The following CHCHD10 variants were observed in gnomAD, a reference collection of about 807,000 sequenced individuals.
The protein encoded by CHCHD10 is coiled-coil-helix-coiled-coil-helix domain containing 10.
In CHCHD10, 10 loss-of-function variants were observed where a neutral mutation model predicts 14.8. The observed-to-expected ratio is 0.67, with a 90% CI of 0.42 to 1.14. CHCHD10 has a LOEUF of 1.14. CHCHD10 is among the 50% of genes most tolerant of loss of function. CHCHD10 has a pLI of 0.00. For missense variants in CHCHD10, 203 were observed against 196.9 expected (o/e 1.03, Z -0.19); for synonymous variants, 90 against 85.2 (o/e 1.06, Z -0.31).
chr22:23,767,650 G>A, intron 1 of CHCHD10, 57 bp from the exon 2 acceptor site: 1 of 882,092 alleles, frequency 1.1e-6, no homozygotes, highest in Non-Finnish European at 1.6e-6. Context: ...CTGGAGGGCT[G>A]CAGCTCCTGG....
chr22:23,767,551 C>T lies in CHCHD10; in HGVS notation c.84G>A (p.Pro28=). The change falls in exon 2 of 4, where the codon CCG becomes CCA. Residue 28 remains proline (P), a synonymous_variant. Coordinates refer to ENST00000484558, the MANE Select transcript of CHCHD10 (RefSeq NM_213720.3). ...CGGGGGCTGGGGCGGCTGCCGAGGG[C>T]GGTGGGTGCGCGGGCGGGTGGGCAG... is the stretch of plus-strand genomic sequence containing the variant. ...APSAHPPAHP[P]PSAAAPAPAP... The T allele has an allele frequency of 7.5e-6, 6 of 796,078 alleles. No individual in the cohort carries two copies. The highest frequency in any genetic ancestry group is 1.0e-5 in the Non-Finnish European group (6 of 597,670). 49.3% of individuals were successfully genotyped at this position (796,078 alleles called of 1,614,324 possible).
rs984321947 is a variant in CHCHD10, at chr22:23,767,854, G to T, written c.21C>A (p.Ser7Arg). 1.3e-6 allele frequency: 2 copies of T among 1,518,782 alleles called. No individual in the cohort carries two copies. Among genetic ancestry groups the T allele is most frequent in the East Asian group, 2.7e-5 (1 of 37,258 alleles). The allele number at this position is 1,518,782 out of a possible 1,614,324, so 94.1% of individuals were successfully genotyped here. The change falls in exon 1 of 4, where the codon AGC (serine) becomes AGA (arginine). Residue 7 changes from serine to arginine, a missense_variant. By Grantham distance (110) the Ser-to-Arg change is moderately radical. Coordinates refer to ENST00000484558, the MANE Select transcript of CHCHD10 (RefSeq NM_213720.3). The part of the protein sequence containing the change: MPRGSR[S>R]AASRPASRPA... ...CACACCTGGCTGGCCGGGAGGCCGC[G>T]CTGCGGCTTCCCCGAGGCATGGTGG...
Position 23,767,460 on chromosome 22 carries a change from AGCCCACGGC to A in CHCHD10, c.166_174del (p.Ala56_Gly58del). 1 of 1,598,442 alleles carries A rather than the reference AGCCCACGGC, an allele frequency of 6.3e-7. No homozygotes were observed. The highest frequency in any genetic ancestry group is 8.5e-7 in the Non-Finnish European group (1 of 1,174,208). On this transcript the variant is annotated inframe_deletion, in exon 2 of 4. Coordinates refer to ENST00000484558, the MANE Select transcript of CHCHD10 (RefSeq NM_213720.3). The stretch of plus-strand genomic sequence containing the variant: ...CTGCCCATGACGTGTCCCACAGCCG[AGCCCACGGC>A]TACCCCTGCGGCCGTGGTCGCCATC...
At position 23,767,833 on chromosome 22, in the gene CHCHD10, C is replaced by T. The variant is rs769429033; in HGVS notation, c.41+1G>A. 6.5e-7 allele frequency: 1 copy of T among 1,535,656 alleles called. No homozygotes were observed. The highest frequency in any genetic ancestry group is 8.8e-7 in the Non-Finnish European group (1 of 1,142,450). On this transcript the variant is annotated splice_donor_variant, in intron 1 of 3. Coordinates refer to ENST00000484558, the MANE Select transcript of CHCHD10 (RefSeq NM_213720.3). LOFTEE classifies it high-confidence loss of function. Reference sequence around the variant, plus strand: ...CCACAGGGCCCTTGTCCCCCTCACACCTGGCTGGCCGGGAGGCCGCGCTGC... The same window carrying T: ...CCACAGGGCCCTTGTCCCCCTCACATCTGGCTGGCCGGGAGGCCGCGCTGC...
rs1389766646 is a variant in CHCHD10 at position 23,766,293 on chromosome 22, G to A, written c.262-18C>T. ...GTGGGGGCCTGGGGGTACAGTGCAA[G>A]AGGCTGCAGGATCAGCTTGGAGTTG... On this transcript the variant is annotated intron_variant, in intron 2 of 3. Coordinates refer to ENST00000484558, the MANE Select transcript of CHCHD10 (RefSeq NM_213720.3). The A allele has an allele frequency of 4.5e-6, 7 of 1,540,018 alleles. No homozygotes were observed. Among genetic ancestry groups the A allele is most frequent in the South Asian group, 1.2e-5 (1 of 83,628 alleles).
chr22:23,765,904 C>A lies in CHCHD10; in HGVS notation c.*103G>T. On this transcript the variant is annotated 3_prime_UTR_variant, in exon 4 of 4. Coordinates refer to ENST00000484558, the MANE Select transcript of CHCHD10 (RefSeq NM_213720.3). ...ATCTGTGGGGTGAGAAACCTCCTCA[C>A]TTCCAATCCCAGCTATCTGGGTACA... The A allele has an allele frequency of 2.5e-6, 4 of 1,592,718 alleles. No homozygotes were observed. Among genetic ancestry groups the A allele is most frequent in the Non-Finnish European group, 3.4e-6 (4 of 1,163,796 alleles).
chr22:23,766,451 C>CTT (rs131440), intron 2 of CHCHD10, 176 bp from the exon 3 acceptor site: 733 of 412,636 alleles, frequency 1.8e-3, no homozygotes, highest in East Asian at 4.3e-3. Flanking sequence ...TTTCTGCTGC[C>CTT]TTTTTTTTTT....
intron 1 of CHCHD10, 53 bp from the exon 2 acceptor site, chr22:23,767,646 G>A (rs1926962678): frequency 6.7e-6 from 6 of 896,132 alleles, no homozygotes; most frequent in Non-Finnish European, 9.6e-6. Context: ...CAGGCTGGAG[G>A]GCTGCAGCTC....
Position 23,767,612 on chromosome 22 carries a change from G to A in CHCHD10, c.42-19C>T. The A allele has an allele frequency of 9.4e-7, 1 of 1,062,436 alleles. No homozygotes were observed. Among genetic ancestry groups the A allele is most frequent in the Non-Finnish European group, 1.3e-6 (1 of 792,554 alleles). The allele number at this position is 1,062,436 out of a possible 1,614,324, so 65.8% of individuals were successfully genotyped here. On this transcript the variant is annotated intron_variant, in intron 1 of 3. Coordinates refer to ENST00000484558, the MANE Select transcript of CHCHD10 (RefSeq NM_213720.3). ...TGGGCGGCTGCGGGGGTGGGAGGAA[G>A]CAGGGTTAATCCTGGCCAGACCCCA...
In CHCHD10 at chr22:23,766,205, T is replaced by C. The variant is rs750293377; in HGVS notation, c.332A>G (p.Asp111Gly). ...PCAYEIRQFL[D>G]CSTTQSDLSL... ...CAGGTCACTCTGAGTGGTGGAACAGTCCAGGAACTGCCTGATCTCGTAGGC... is the reference window on the plus strand; with the variant it reads ...CAGGTCACTCTGAGTGGTGGAACAGCCCAGGAACTGCCTGATCTCGTAGGC... Residue 111 changes from aspartate (D) to glycine (G), a missense_variant, in exon 3 of 4, where the codon GAC becomes GGC. Asp to Gly is a moderately conservative substitution (Grantham distance 94). Transcript: ENST00000484558. The C allele has an allele frequency of 6.5e-6, 10 of 1,528,988 alleles. No homozygotes were observed. Among genetic ancestry groups the C allele is most frequent in the Non-Finnish European group, 8.9e-6 (10 of 1,129,592 alleles). The allele number at this position is 1,528,988 out of a possible 1,614,324, so 94.7% of individuals were successfully genotyped here. A position where few individuals can be genotyped will look rare whatever the true frequency, so the allele number is the denominator to read the frequency against.
chr22:23,767,828 T>C lies in CHCHD10; in HGVS notation c.41+6A>G. On this transcript the variant is annotated splice_donor_region_variant and intron_variant, in intron 1 of 3. Coordinates refer to ENST00000484558, the MANE Select transcript of CHCHD10 (RefSeq NM_213720.3). ...CCTCCCCACAGGGCCCTTGTCCCCC[T>C]CACACCTGGCTGGCCGGGAGGCCGC... 1 of 1,536,558 alleles carries C rather than the reference T, an allele frequency of 6.5e-7. No individual in the cohort carries two copies. Among genetic ancestry groups the C allele is most frequent in the Non-Finnish European group, 8.7e-7 (1 of 1,142,944 alleles).
intron 2 of CHCHD10, 174 bp from the exon 3 acceptor site, chr22:23,766,449 GC>G: frequency 9.5e-6 from 5 of 525,898 alleles, no homozygotes; most frequent in Admixed American, 3.8e-5. Context: ...TGTTTCTGCT[GC>G]CTTTTTTTTT....
Position 23,766,269 on chromosome 22 carries a change from T to TGGGGGGCTGGGGGGGG in CHCHD10, c.267_268insCCCCCCCCAGCCCCCC (p.Thr90ProfsTer34). The TGGGGGGCTGGGGGGGG allele has an allele frequency of 1.2e-5, 9 of 747,026 alleles. No homozygotes were observed. Among genetic ancestry groups the TGGGGGGCTGGGGGGGG allele is most frequent in the East Asian group, 4.4e-5 (1 of 22,542 alleles). The allele number at this position is 747,026 out of a possible 1,614,324, so 46.3% of individuals were successfully genotyped here. A position where few individuals can be genotyped will look rare whatever the true frequency, so the allele number is the denominator to read the frequency against. ...TGCAGGGGCTGGGGGGCAGCGGGGG[T>TGGGGGGCTGGGGGGGG]GGGGGCCTGGGGGTACAGTGCAAGA... On this transcript the variant is annotated frameshift_variant, in exon 3 of 4. Coordinates refer to ENST00000484558, the MANE Select transcript of CHCHD10 (RefSeq NM_213720.3). LOFTEE classifies it high-confidence loss of function.
In CHCHD10 at chr22:23,765,973, T is replaced by C; in HGVS notation, c.*34A>G. 6.2e-7 allele frequency: 1 copy of C among 1,612,582 alleles called. No individual in the cohort carries two copies. The highest frequency in any genetic ancestry group is 1.3e-5 in the African/African-American group (1 of 74,910). On this transcript the variant is annotated 3_prime_UTR_variant, in exon 4 of 4. Transcript: ENST00000484558. ...GCTGTCGGCGAGGGGTAGAGGTGGG[T>C]GCAGGACTGGCCCCCGAGTCTGCAC... is the stretch of plus-strand genomic sequence containing the variant.
Position 23,765,879 on chromosome 22 carries a change from A to T in CHCHD10, c.*128T>A. On this transcript the variant is annotated 3_prime_UTR_variant, in exon 4 of 4. Transcript: ENST00000484558. ...TAATTGCACATTTGTGTCTTGGGTT[A>T]TCTGTGGGGTGAGAAACCTCCTCAC... 6.4e-7 allele frequency: 1 copy of T among 1,558,832 alleles called. No homozygotes were observed. Among genetic ancestry groups the T allele is most frequent in the Non-Finnish European group, 8.8e-7 (1 of 1,139,066 alleles).
intron 2 of CHCHD10, among the ~76,000 whole-genome samples, chr22:23,766,743 C>T (rs961669308): frequency 3.3e-5 from 5 of 152,226 alleles, no homozygotes; most frequent in African/African-American, 9.6e-5. Context: ...TGAGCCACTG[C>T]GCCTGGCCTC....
At position 23,765,938 on chromosome 22, in the gene CHCHD10, T is replaced by G; in HGVS notation, c.*69A>C. On this transcript the variant is annotated 3_prime_UTR_variant, in exon 4 of 4. Coordinates refer to ENST00000484558, the MANE Select transcript of CHCHD10 (RefSeq NM_213720.3). ...CCAGCTATCTGGGTACAATCTGGTG[T>G]TGTGGTCTGGCTGTCGGCGAGGGGT... 1.2e-6 allele frequency: 2 copies of G among 1,608,440 alleles called. No homozygotes were observed. Among genetic ancestry groups the G allele is most frequent in the Non-Finnish European group, 1.7e-6 (2 of 1,175,974 alleles).
Position 23,766,110 on chromosome 22 carries a change from C to T in CHCHD10, c.409+18G>A, listed in dbSNP as rs374368575. ...GGCCTCTCCCCCTCCCCGCCTGAGT[C>T]GGGGTCCACTCACTCACCATGGTAG... On this transcript the variant is annotated intron_variant, in intron 3 of 3. Coordinates refer to ENST00000484558, the MANE Select transcript of CHCHD10 (RefSeq NM_213720.3). The T allele has an allele frequency of 2.4e-5, 38 of 1,613,238 alleles. No homozygotes were observed. Among genetic ancestry groups the T allele is most frequent in the Non-Finnish European group, 3.0e-5 (35 of 1,179,698 alleles).
exon 1 of CHCHD10, chr22:23,767,960 CGGCGCAAAAAAGGCGGGGCCCCGGGCGG>C: frequency 4.1e-6 from 5 of 1,228,888 alleles, no homozygotes; most frequent in Non-Finnish European, 5.4e-6. Context: ...TTGTCACAGC[CGGCGCAAAAAAGGCGGGGCCCCGGGCGG>C]GGCCTCAGGA....
Sources: gnomAD v4.1 joint callset for allele counts (sites outside exome capture counted in the v4.1 genomes callset) on GRCh38, gnomAD v4.1.1 for gene constraint, MANE v1.5 for transcripts, NCBI Gene and HGNC (gene_info 2026-07-23, HGNC 2026-07-21) for gene names.